Variants in CSMD1 observed in about 807,000 individuals in gnomAD.
CSMD1 encodes the protein CUB and sushi domain-containing protein 1.
CSMD1 carries 213 observed loss-of-function variants against 417.5 expected under a neutral mutation model. The ratio of observed to expected loss-of-function variants is 0.51; its 90% CI spans 0.46 to 0.57. The LOEUF (loss-of-function observed/expected upper bound fraction) is 0.57, where lower values mean the gene tolerates loss of function less well. Ranked by LOEUF, CSMD1 falls within the 20% of genes least tolerant of loss-of-function variation. The pLI, the probability that CSMD1 is intolerant of heterozygous loss-of-function variation, is 0.00. For synonymous variants in CSMD1, 2,862 were observed against 1,736.8 expected (o/e 1.65, Z -16.11); for missense variants, 6,923 against 4,529.7 (o/e 1.53, Z -15.17).
intron 2 of CSMD1, among the ~76,000 whole-genome samples, chr8:4,529,866 T>A (rs1009928870): frequency 7.0e-6 from 1 of 143,718 alleles, no homozygotes; most frequent in Non-Finnish European, 1.5e-5. Flanking sequence ...CCCATGCTGC[T>A]GCCATTGTTT....
At chr8:3,752,858 G>T (rs2720855) in intron 6 of CSMD1, among the ~76,000 whole-genome samples, 1 of 151,852 alleles carries the variant, frequency 6.6e-6, no homozygotes, top group African/African-American at 2.4e-5. Flanking sequence ...ACTGACCCTT[G>T]TTTCTCTACT....
chr8:4,715,025 T>A (rs935974229), intron 1 of CSMD1, among the ~76,000 whole-genome samples: 1 of 152,210 alleles, frequency 6.6e-6, no homozygotes, highest in Non-Finnish European at 1.5e-5. Flanking sequence ...TTTTAACATT[T>A]CAAGCATTTT....
At chr8:3,099,712 A>G (rs1815594661) in intron 46 of CSMD1, among the ~76,000 whole-genome samples, 1 of 152,214 alleles carries the variant, frequency 6.6e-6, no homozygotes, top group African/African-American at 2.4e-5. Flanking sequence ...CAGCAGTGCA[A>G]TGATCTAACC....
At chr8:3,175,229 T>G (rs17079544) in intron 37 of CSMD1, among the ~76,000 whole-genome samples, 28,521 of 152,180 alleles carry the variant, frequency 0.19, 2,949 homozygotes, top group East Asian at 0.46. Context: ...GTCTCCATTT[T>G]ACTCCCACCT....
intron 5 of CSMD1, among the ~76,000 whole-genome samples, chr8:3,869,823 C>T (rs1441860423): frequency 1.6e-4 from 25 of 152,120 alleles, no homozygotes. Flanking sequence ...GTATCAACTG[C>T]CACTTAATAA....
intron 3 of CSMD1, among the ~76,000 whole-genome samples, chr8:4,111,682 C>T (rs866015391): frequency 6.6e-6 from 1 of 152,168 alleles, no homozygotes; most frequent in African/African-American, 2.4e-5. Context: ...AAAAGACAAA[C>T]ACCACATGTT....
At position 4,445,897 on chromosome 8, in the gene CSMD1, G is replaced by A. The variant is rs148898134; in HGVS notation, c.303-25832C>T. Among the ~76,000 whole-genome samples the A allele has an allele frequency of 7.5e-3, 1,145 of 152,244 alleles. 5 individuals carry two copies. The highest frequency in any genetic ancestry group is 0.013 in the Non-Finnish European group (853 of 68,022). On this transcript the variant is annotated intron_variant, in intron 2 of 69. Coordinates refer to ENST00000635120, the MANE Select transcript of CSMD1 (RefSeq NM_033225.6). ...AGAAGGGCACAAGAGGAGAGAGCAC[G>A]GATGCAGGGACGTGACCTGGGCCTT... is the stretch of plus-strand genomic sequence containing the variant.
intron 10 of CSMD1, among the ~76,000 whole-genome samples, chr8:3,523,048 A>G (rs1797576336): frequency 6.6e-6 from 1 of 150,404 alleles, no homozygotes; most frequent in South Asian, 2.1e-4. Flanking sequence ...CACTACTCTT[A>G]AAAATAAGAG....
chr8:3,072,330 T>C (rs1813375637), intron 49 of CSMD1, among the ~76,000 whole-genome samples: 1 of 152,176 alleles, frequency 6.6e-6, no homozygotes, highest in Non-Finnish European at 1.5e-5. Flanking sequence ...AAACAAATGC[T>C]CTGAATTAGA....
chr8:4,578,294 T>G (rs888839010), intron 2 of CSMD1, among the ~76,000 whole-genome samples: 1 of 145,386 alleles, frequency 6.9e-6, no homozygotes, highest in Non-Finnish European at 1.5e-5. Context: ...CCGAGTAGAG[T>G]AGCTGGGATT....
At chr8:3,664,873 G>A (rs1017092550) in intron 7 of CSMD1, among the ~76,000 whole-genome samples, 4 of 152,106 alleles carry the variant, frequency 2.6e-5, no homozygotes, top group South Asian at 2.1e-4. Context: ...AATTCAGACA[G>A]AATTTCAACG....
chr8:4,367,403 T>A (rs1232825078), intron 3 of CSMD1, among the ~76,000 whole-genome samples: 3 of 152,094 alleles, frequency 2.0e-5, no homozygotes, highest in Non-Finnish European at 2.9e-5. Flanking sequence ...CCTCTCTCAT[T>A]TTTCATTGGT....
intron 10 of CSMD1, among the ~76,000 whole-genome samples, chr8:3,498,457 T>G (rs1336725467): frequency 6.6e-6 from 1 of 152,222 alleles, no homozygotes; most frequent in African/African-American, 2.4e-5. Context: ...TTTTGATAGT[T>G]TGATTATAAT....
chr8:2,960,959 T>TATATATATAC (rs1563182766), intron 62 of CSMD1, among the ~76,000 whole-genome samples, 182 bp downstream of exon 62: 2 of 131,628 alleles, frequency 1.5e-5, no homozygotes, highest in Non-Finnish European at 1.5e-5. Flanking sequence ...TATATATATA[T>TATATATATAC]ATATATACAT....
intron 7 of CSMD1, among the ~76,000 whole-genome samples, chr8:3,648,529 C>T (rs1025542846): frequency 6.6e-6 from 1 of 152,084 alleles, no homozygotes; most frequent in Non-Finnish European, 1.5e-5. Context: ...AGTTGTTGTA[C>T]GATTTACTTT....
chr8:3,738,165 TG>T (rs1333001425), intron 6 of CSMD1, among the ~76,000 whole-genome samples: 2 of 152,208 alleles, frequency 1.3e-5, no homozygotes, highest in African/African-American at 4.8e-5. Flanking sequence ...TAAAAATATA[TG>T]CCCTTTGATC....
intron 5 of CSMD1, among the ~76,000 whole-genome samples, chr8:3,949,561 T>G (rs1005345311): frequency 6.6e-6 from 1 of 152,158 alleles, no homozygotes; most frequent in East Asian, 1.9e-4. Flanking sequence ...TGGGGTTATT[T>G]TGGGGTTCTT....
At chr8:2,970,067 T>C (rs1381939922) in intron 57 of CSMD1, among the ~76,000 whole-genome samples, 2 of 152,214 alleles carry the variant, frequency 1.3e-5, no homozygotes, top group Non-Finnish European at 2.9e-5. Flanking sequence ...AACTTTTAAA[T>C]GTCTAACTTT....
At chr8:4,807,847 T>C (rs1012383014) in intron 1 of CSMD1, among the ~76,000 whole-genome samples, 1 of 152,166 alleles carries the variant, frequency 6.6e-6, no homozygotes, top group African/African-American at 2.4e-5. Flanking sequence ...AGCTATGTTA[T>C]TGTTAATATT....
Sources: allele counts gnomAD v4.1 joint callset (sites outside exome capture counted in the v4.1 genomes callset), GRCh38; gene constraint gnomAD v4.1.1; transcripts MANE v1.5; gene names NCBI Gene and HGNC (gene_info 2026-07-23, HGNC 2026-07-21).